The following ZBTB7C variants were observed in gnomAD, a reference collection of about 807,000 sequenced individuals.
ZBTB7C encodes zinc finger and BTB domain containing 7C.
ZBTB7C carries 8 observed loss-of-function variants against 25.7 expected under a neutral mutation model. That is an observed-to-expected ratio of 0.31 (90% confidence interval 0.18 to 0.56). The LOEUF (loss-of-function observed/expected upper bound fraction) is 0.56, where lower values mean the gene tolerates loss of function less well. Ranked by LOEUF, ZBTB7C falls within the 20% of genes least tolerant of loss-of-function variation. ZBTB7C has a pLI of 0.91. For synonymous variants in ZBTB7C, 394 were observed against 369.0 expected, an observed-to-expected ratio of 1.07 and a Z score of -0.78; for missense variants, 824 against 855.2, an observed-to-expected ratio of 0.96 and a Z score of 0.46.
rs1226551143 is a variant in ZBTB7C, at chr18:48,029,671, A to G, written c.1449T>C (p.Pro483=). Residue 483 remains proline, a synonymous_variant, in exon 5 of 5, where the codon CCT becomes CCC. Coordinates refer to ENST00000590800, the MANE Select transcript of ZBTB7C (RefSeq NM_001318841.2). The part of the protein sequence containing the change: ...RMARPRRGRK[P]AAWRAASLLF... ...GCAGGCTGGCGGCCCTCCACGCAGC[A>G]GGCTTGCGGCCGCGTCGGGGCCGTG... 6.4e-7 allele frequency: 1 copy of G among 1,568,434 alleles called. No homozygotes were observed. The highest frequency in any genetic ancestry group is 8.6e-7 in the Non-Finnish European group (1 of 1,164,074).
chr18:48,225,706 C>G (rs1416140408), intron 2 of ZBTB7C, among the ~76,000 whole-genome samples: 1 of 152,096 alleles, frequency 6.6e-6, no homozygotes, highest in Non-Finnish European at 1.5e-5. Flanking sequence ...AACTTCTGTC[C>G]TCTCCCTCTT....
chr18:48,240,101 A>G (rs1263596118), intron 2 of ZBTB7C, among the ~76,000 whole-genome samples: 1 of 152,086 alleles, frequency 6.6e-6, no homozygotes, highest in African/African-American at 2.4e-5. Context: ...AGAATCAAAC[A>G]AGTAGAAGAA....
chr18:48,142,973 C>G (rs1453114739), intron 3 of ZBTB7C, among the ~76,000 whole-genome samples: 1 of 150,312 alleles, frequency 6.7e-6, no homozygotes, highest in Non-Finnish European at 1.5e-5. Flanking sequence ...GTGAACAATC[C>G]ACGTGGTCTC....
At chr18:48,147,384 C>T (rs531139278) in intron 3 of ZBTB7C, among the ~76,000 whole-genome samples, 1 of 152,218 alleles carries the variant, frequency 6.6e-6, no homozygotes, top group East Asian at 1.9e-4. Context: ...AGCCCTGCTT[C>T]GGTAATTTTT....
rs9946073 is a variant in ZBTB7C at position 48,028,771 on chromosome 18, C to T, written c.*489G>A. 6.5e-6 allele frequency: 1 copy of T among 154,638 alleles called. No homozygotes were observed. Among genetic ancestry groups the T allele is most frequent in the Non-Finnish European group, 1.4e-5 (1 of 70,040 alleles). 9.6% of individuals were successfully genotyped at this position (154,638 alleles called of 1,614,324 possible). A position where few individuals can be genotyped will look rare whatever the true frequency, so the allele number is the denominator to read the frequency against. On this transcript the variant is annotated 3_prime_UTR_variant, in exon 5 of 5. Coordinates refer to ENST00000590800, the MANE Select transcript of ZBTB7C (RefSeq NM_001318841.2). Reference sequence around the variant, plus strand: ...CTTTCTATGTGGCAGGTGGGTAGTTCTCAAAAAGACCCCGGGGCCACTGGA... The same window carrying T: ...CTTTCTATGTGGCAGGTGGGTAGTTTTCAAAAAGACCCCGGGGCCACTGGA...
intron 3 of ZBTB7C, chr18:48,149,629 G>C (rs2040608891): frequency 2.0e-5 from 3 of 152,220 alleles, no homozygotes; most frequent in South Asian, 2.1e-4. Context: ...ATGGATGGGG[G>C]AACAGGGCAG....
chr18:48,304,842 A>C (rs1400479935), intron 2 of ZBTB7C, among the ~76,000 whole-genome samples: 2 of 17,028 alleles, frequency 1.2e-4, no homozygotes, highest in Non-Finnish European at 9.9e-5. Flanking sequence ...GCTCTACCTC[A>C]AAAAAAAAAA....
intron 3 of ZBTB7C, among the ~76,000 whole-genome samples, chr18:48,078,555 C>CA (rs1214925113): frequency 2.0e-5 from 3 of 152,204 alleles, no homozygotes; most frequent in African/African-American, 7.2e-5. Context: ...TACTGGGGAG[C>CA]AGTCGTGGGA....
At chr18:48,096,661 G>A (rs574724799) in intron 3 of ZBTB7C, among the ~76,000 whole-genome samples, 2 of 152,206 alleles carry the variant, frequency 1.3e-5, no homozygotes, top group South Asian at 2.1e-4. Flanking sequence ...CAGGTGAAAA[G>A]ATGCTCTCAC....
intron 1 of ZBTB7C, among the ~76,000 whole-genome samples, chr18:48,348,699 C>A (rs992054062): frequency 6.6e-6 from 1 of 152,244 alleles, no homozygotes; most frequent in Non-Finnish European, 1.5e-5. Context: ...TGCCTATAAT[C>A]CCCGCTACTC....
intron 4 of ZBTB7C, among the ~76,000 whole-genome samples, chr18:48,035,812 T>C (rs577595681): frequency 1.3e-5 from 2 of 152,350 alleles, no homozygotes; most frequent in South Asian, 2.1e-4. Context: ...TTCCAGACTT[T>C]CTGGGAAGAG....
intron 2 of ZBTB7C, among the ~76,000 whole-genome samples, chr18:48,222,577 G>A (rs943516389): frequency 2.6e-5 from 4 of 152,104 alleles, no homozygotes; most frequent in African/African-American, 9.7e-5. Flanking sequence ...TGGAAGCTCG[G>A]GACTTGCCTG....
At chr18:48,283,840 A>C (rs557190092) in intron 2 of ZBTB7C, among the ~76,000 whole-genome samples, 1 of 152,300 alleles carries the variant, frequency 6.6e-6, no homozygotes, top group African/African-American at 2.4e-5. Flanking sequence ...TGATCATGTT[A>C]TCACTTATAT....
chr18:48,135,020 TCTC>T (rs1238682188), intron 3 of ZBTB7C, among the ~76,000 whole-genome samples: 1 of 152,082 alleles, frequency 6.6e-6, no homozygotes, highest in Non-Finnish European at 1.5e-5. Flanking sequence ...TCCTTCTCCC[TCTC>T]CTCCTCTTCA....
chr18:48,290,579 A>G (rs907847440), intron 2 of ZBTB7C, among the ~76,000 whole-genome samples: 3 of 152,178 alleles, frequency 2.0e-5, no homozygotes, highest in Admixed American at 6.5e-5. Context: ...GGTCATTAAG[A>G]GTGTGGGGGT....
At chr18:48,175,825 C>G (rs2041656842) in intron 3 of ZBTB7C, among the ~76,000 whole-genome samples, 1 of 152,130 alleles carries the variant, frequency 6.6e-6, no homozygotes, top group South Asian at 2.1e-4. Context: ...TTGGAAAAAC[C>G]AGAGTTCATC....
At chr18:48,103,909 A>T (rs78200661) in intron 3 of ZBTB7C, among the ~76,000 whole-genome samples, 167 of 152,324 alleles carry the variant, frequency 1.1e-3, no homozygotes, top group African/African-American at 3.9e-3. Flanking sequence ...CATAAAGTAG[A>T]TTAATCGTTG....
intron 2 of ZBTB7C, among the ~76,000 whole-genome samples, chr18:48,212,327 G>A (rs2145252135): frequency 6.6e-6 from 1 of 152,284 alleles, no homozygotes; most frequent in Admixed American, 6.5e-5. Flanking sequence ...TCCAGGGGTT[G>A]GGGGGAGGAA....
chr18:48,381,766 CAT>C (rs1207891025), intron 1 of ZBTB7C, among the ~76,000 whole-genome samples: 1 of 152,242 alleles, frequency 6.6e-6, no homozygotes, highest in Non-Finnish European at 1.5e-5. Context: ...GGCTGCTCCA[CAT>C]GTCTTCTTCA....
Sources: gnomAD v4.1 joint callset for allele counts (sites outside exome capture counted in the v4.1 genomes callset) on GRCh38, gnomAD v4.1.1 for gene constraint, MANE v1.5 for transcripts, NCBI Gene and HGNC (gene_info 2026-07-23, HGNC 2026-07-21) for gene names.